Variants in TAFA1 observed in about 807,000 individuals in gnomAD.
TAFA1 encodes TAFA chemokine like family member 1.
TAFA1 carries 4 observed loss-of-function variants against 18.5 expected under a neutral mutation model. The observed-to-expected ratio is 0.22, with a 90% CI of 0.11 to 0.49. The LOEUF (loss-of-function observed/expected upper bound fraction) is 0.49, where lower values mean the gene tolerates loss of function less well. TAFA1 is among the 20% of genes least tolerant of loss of function. TAFA1 has a pLI of 0.98. For missense variants in TAFA1, 147 were observed against 169.0 expected (o/e 0.87, Z 0.72); for synonymous variants, 56 against 55.2 (o/e 1.01, Z -0.06).
intron 3 of TAFA1, among the ~76,000 whole-genome samples, chr3:68,427,967 A>G (rs1318909040): frequency 1.3e-5 from 2 of 151,962 alleles, no homozygotes; most frequent in Non-Finnish European, 2.9e-5. Flanking sequence ...ATCCTCAGCC[A>G]TGTGAAACTA....
At chr3:68,428,736 C>A (rs1274806324) in intron 3 of TAFA1, among the ~76,000 whole-genome samples, 1 of 151,914 alleles carries the variant, frequency 6.6e-6, no homozygotes, top group East Asian at 1.9e-4. Flanking sequence ...ATTGGACTAT[C>A]AATTTATATT....
chr3:68,484,773 A>G (rs187329554), intron 3 of TAFA1, among the ~76,000 whole-genome samples: 188 of 152,152 alleles, frequency 1.2e-3, no homozygotes, highest in Non-Finnish European at 1.8e-3. Context: ...ATCTTCATAC[A>G]CTTGGCCCAC....
intron 2 of TAFA1, among the ~76,000 whole-genome samples, chr3:68,100,690 A>G (rs918415106): frequency 6.6e-5 from 10 of 152,266 alleles, no homozygotes; most frequent in African/African-American, 2.2e-4. Context: ...ATATTTCCTG[A>G]TATCTCTTTC....
rs1358767728 is a variant in TAFA1, at chr3:68,457,971, G to T, written c.259+40551G>T. 5.9e-5 allele frequency among the ~76,000 whole-genome samples: 9 copies of T among 152,130 alleles called. No homozygotes were observed. The East Asian group carries it at 1.7e-3, about 29-fold the overall frequency. On this transcript the variant is annotated intron_variant, in intron 3 of 4. Coordinates refer to ENST00000478136, the MANE Select transcript of TAFA1 (RefSeq NM_213609.4). ...AAATAGTTTACCCTATCACTCATGG[G>T]TAAGCTCATGGGATGAACCCATTAG... is the stretch of plus-strand genomic sequence containing the variant.
intron 2 of TAFA1, among the ~76,000 whole-genome samples, chr3:68,375,055 A>T (rs2069782407): frequency 6.6e-6 from 1 of 152,014 alleles, no homozygotes. Flanking sequence ...TCTGGTGCTG[A>T]TTTATCAAAA....
intron 2 of TAFA1, among the ~76,000 whole-genome samples, chr3:68,390,861 A>G (rs2070224763): frequency 1.3e-5 from 2 of 152,212 alleles, no homozygotes; most frequent in African/African-American, 4.8e-5. Context: ...AAGGTCACCA[A>G]AATCAAAGAC....
chr3:68,076,704 T>G (rs2064830022), intron 2 of TAFA1, among the ~76,000 whole-genome samples: 1 of 152,286 alleles, frequency 6.6e-6, no homozygotes, highest in Non-Finnish European at 1.5e-5. Flanking sequence ...ATCCAGTCTA[T>G]CATTGTTGGA....
At chr3:68,544,462 A>G (rs1440345683) in intron 4 of TAFA1, 24 bp from the exon 5 acceptor site, 2 of 1,612,016 alleles carry the variant, frequency 1.2e-6, no homozygotes, top group Admixed American at 3.3e-5. Context: ...TCTCCCTGAA[A>G]TGTCTGTCTT....
At chr3:68,107,136 T>G (rs1281181556) in intron 2 of TAFA1, among the ~76,000 whole-genome samples, 1 of 152,118 alleles carries the variant, frequency 6.6e-6, no homozygotes. Context: ...CCACATTCAG[T>G]GATGCCATGT....
rs373234140 is a variant in TAFA1, at chr3:68,152,263, G to A, written c.118+145519G>A. On this transcript the variant is annotated intron_variant, in intron 2 of 4. Coordinates refer to ENST00000478136, the MANE Select transcript of TAFA1 (RefSeq NM_213609.4). ...TGTTGAGAATGCTGGTTTGTGGAACGTTCAAAAGACCTGCTAAGTCAGATT... is the reference window on the plus strand; with the variant it reads ...TGTTGAGAATGCTGGTTTGTGGAACATTCAAAAGACCTGCTAAGTCAGATT... 7.2e-5 allele frequency among the ~76,000 whole-genome samples: 11 copies of A among 152,208 alleles called. No homozygotes were observed. In the East Asian group the frequency reaches 1.2e-3, roughly 16 times the overall value.
At chr3:67,996,740 A>C in the TAFA1 span, among the ~76,000 whole-genome samples, 2 of 152,052 alleles carry the variant, frequency 1.3e-5, no homozygotes, top group African/African-American at 4.8e-5. Context: ...CAGAGGTTGC[A>C]GTGAGCCGAG....
At chr3:68,402,804 A>G (rs1350832545) in intron 2 of TAFA1, among the ~76,000 whole-genome samples, 1 of 152,208 alleles carries the variant, frequency 6.6e-6, no homozygotes, top group African/African-American at 2.4e-5. Flanking sequence ...TGCACGGAAG[A>G]CATGGATTTG....
chr3:68,486,354 G>A (rs1452044180), intron 3 of TAFA1, among the ~76,000 whole-genome samples: 2 of 151,888 alleles, frequency 1.3e-5, no homozygotes, highest in Admixed American at 6.6e-5. Context: ...TTGCTTATCT[G>A]GCCACTCCCT....
intron 2 of TAFA1, among the ~76,000 whole-genome samples, chr3:68,023,938 T>C (rs1456035284): frequency 6.6e-6 from 1 of 152,154 alleles, no homozygotes; most frequent in Non-Finnish European, 1.5e-5. Flanking sequence ...TCTTGCTTGC[T>C]TACTCTCTCC....
chr3:68,016,262 A>T (rs773155028), intron 2 of TAFA1, among the ~76,000 whole-genome samples: 1 of 152,232 alleles, frequency 6.6e-6, no homozygotes, highest in African/African-American at 2.4e-5. Context: ...TAAAACATGT[A>T]TAGTCATGTG....
At chr3:68,288,709 A>C (rs991127252) in intron 2 of TAFA1, among the ~76,000 whole-genome samples, 1 of 152,198 alleles carries the variant, frequency 6.6e-6, no homozygotes, top group Non-Finnish European at 1.5e-5. Context: ...TATGCAAAAC[A>C]TAACAGTGAG....
chr3:68,282,643 C>T (rs2067920100), intron 2 of TAFA1, among the ~76,000 whole-genome samples: 2 of 152,080 alleles, frequency 1.3e-5, no homozygotes, highest in Admixed American at 6.6e-5. Flanking sequence ...CCTTGGAGAA[C>T]ATCGTCTGAG....
intron 2 of TAFA1, among the ~76,000 whole-genome samples, chr3:68,050,922 T>C (rs1274454692): frequency 3.3e-5 from 5 of 152,176 alleles, no homozygotes; most frequent in Admixed American, 2.6e-4. Flanking sequence ...AGCCACTGTT[T>C]GGCCCATAAG....
At chr3:68,005,760 T>C (rs1391632982) in intron 1 of TAFA1, among the ~76,000 whole-genome samples, 1 of 152,224 alleles carries the variant, frequency 6.6e-6, no homozygotes, top group Non-Finnish European at 1.5e-5. Flanking sequence ...TTTGATTAAT[T>C]TGGCAATATG....
Sources: gnomAD v4.1 joint callset for allele counts (sites outside exome capture counted in the v4.1 genomes callset) on GRCh38, gnomAD v4.1.1 for gene constraint, MANE v1.5 for transcripts, NCBI Gene and HGNC (gene_info 2026-07-23, HGNC 2026-07-21) for gene names.